COL21A1: variants seen among roughly 807,000 people sequenced by gnomAD.
COL21A1 encodes collagen type XXI alpha 1 chain, also known as collagen alpha-1(XXI) chain.
In COL21A1, 149 loss-of-function variants were observed where a neutral mutation model predicts 137.9. That is an observed-to-expected ratio of 1.08 (90% CI 0.95 to 1.24). The LOEUF is 1.24. Among genes scored for constraint, COL21A1 ranks in the 50% most tolerant of loss-of-function variants. The pLI is 0.00. For missense variants in COL21A1, 1,167 were observed against 1,158.4 expected (o/e 1.01, Z -0.11); for synonymous variants, 456 against 391.5 (o/e 1.16, Z -1.95).
chr6:56,379,744 A>G (rs1000132962), intron 1 of COL21A1, among the ~76,000 whole-genome samples: 9 of 152,216 alleles, frequency 5.9e-5, no homozygotes, highest in African/African-American at 2.2e-4. Flanking sequence ...CATTTTATAC[A>G]CACATAGGCA....
At chr6:56,183,560 G>A (rs1468625556) in intron 1 of COL21A1, among the ~76,000 whole-genome samples, 1 of 152,176 alleles carries the variant, frequency 6.6e-6, no homozygotes. Context: ...TAGATAAGTA[G>A]TCCATAGAAA....
At chr6:56,251,942 T>A (rs1484508228), upstream of COL21A1, among the ~76,000 whole-genome samples, 1 of 152,240 alleles carries the variant, frequency 6.6e-6, no homozygotes, top group Admixed American at 6.5e-5. Flanking sequence ...TCCACTGTGC[T>A]ACTTTTGATC....
chr6:56,366,837 T>C (rs1273645336), intron 1 of COL21A1, among the ~76,000 whole-genome samples: 1 of 152,242 alleles, frequency 6.6e-6, no homozygotes, highest in Non-Finnish European at 1.5e-5. Flanking sequence ...GTTTGTAAGA[T>C]GGTTTCATTC....
chr6:56,334,593 C>A (rs1029580149), intron 1 of COL21A1, among the ~76,000 whole-genome samples: 4 of 152,150 alleles, frequency 2.6e-5, no homozygotes, highest in Non-Finnish European at 5.9e-5. Context: ...AGGCTTGTCA[C>A]AAAGCATTAG....
chr6:56,239,545 A>C (rs1165849313), intron 1 of COL21A1, among the ~76,000 whole-genome samples: 1 of 152,182 alleles, frequency 6.6e-6, no homozygotes, highest in Non-Finnish European at 1.5e-5. Flanking sequence ...TTCCAACAAA[A>C]AGCCATAATT....
At chr6:56,150,538 AC>A (rs2152249227) in intron 10 of COL21A1, among the ~76,000 whole-genome samples, 2 of 151,196 alleles carry the variant, frequency 1.3e-5, no homozygotes, top group Non-Finnish European at 3.0e-5. Context: ...ACACACACAC[AC>A]ACACACACAC....
At chr6:56,321,524 A>G (rs1439568466) in intron 1 of COL21A1, among the ~76,000 whole-genome samples, 1 of 152,148 alleles carries the variant, frequency 6.6e-6, no homozygotes, top group African/African-American at 2.4e-5. Flanking sequence ...CTTGCTGTTT[A>G]TGTTTATTGC....
chr6:56,101,350 TA>T, intron 17 of COL21A1, 121 bp downstream of exon 17: 1 of 744,792 alleles, frequency 1.3e-6, no homozygotes, highest in Non-Finnish European at 2.3e-6. Context: ...CTACAACATC[TA>T]AAATCTGGAA....
chr6:56,305,792 T>G (rs2152338386), intron 1 of COL21A1, among the ~76,000 whole-genome samples: 1 of 151,352 alleles, frequency 6.6e-6, no homozygotes, highest in South Asian at 2.1e-4. Flanking sequence ...GTTAGCTGGT[T>G]ATTTTGCTTA....
At chr6:56,159,073 G>A (rs1426706555) in intron 9 of COL21A1, among the ~76,000 whole-genome samples, 1 of 152,106 alleles carries the variant, frequency 6.6e-6, no homozygotes, top group Non-Finnish European at 1.5e-5. Context: ...TCCATGTGCT[G>A]ATTGGACTTG....
At chr6:56,089,421 AT>A (rs1768574168) in intron 17 of COL21A1, among the ~76,000 whole-genome samples, 1 of 152,074 alleles carries the variant, frequency 6.6e-6, no homozygotes, top group South Asian at 2.1e-4. Flanking sequence ...ATCTATATAT[AT>A]TTTTTGCACT....
intron 17 of COL21A1, among the ~76,000 whole-genome samples, chr6:56,080,719 T>C (rs1767678509): frequency 6.6e-6 from 1 of 151,882 alleles, no homozygotes; most frequent in African/African-American, 2.4e-5. Context: ...TCTACCTTTC[T>C]ACACAATGGT....
At chr6:56,061,570 A>G (rs1765801131) in intron 25 of COL21A1, 79 bp downstream of exon 25, 4 of 816,708 alleles carry the variant, frequency 4.9e-6, no homozygotes, top group Non-Finnish European at 7.4e-6. Context: ...CTCAAAAGCT[A>G]GATTTATATA....
chr6:56,169,934 TA>T lies in COL21A1; in HGVS notation c.1026+714del, dbSNP rs1176868552. Reference sequence around the variant, plus strand: ...AATTTTTTAAATGTAATATAATTACTAAATGAAGAAATTGCATACTTTATAT... The same window carrying T: ...AATTTTTTAAATGTAATATAATTACTAATGAAGAAATTGCATACTTTATAT... On this transcript the variant is annotated intron_variant, in intron 5 of 29. Transcript: ENST00000244728. Among the ~76,000 whole-genome samples, 3 of 152,052 alleles carry T rather than the reference TA, an allele frequency of 2.0e-5. No individual in the cohort carries two copies. The East Asian group carries it at 5.8e-4, about 29-fold the overall frequency.
chr6:56,068,219 G>C (rs1338428969), intron 22 of COL21A1, among the ~76,000 whole-genome samples: 9 of 151,520 alleles, frequency 5.9e-5, no homozygotes, highest in Non-Finnish European at 1.2e-4. Context: ...TATGATCTAG[G>C]CACCATGTAG....
intron 1 of COL21A1, among the ~76,000 whole-genome samples, chr6:56,223,591 T>C (rs1235064797): frequency 2.6e-5 from 4 of 152,132 alleles, no homozygotes; most frequent in Non-Finnish European, 5.9e-5. Flanking sequence ...AAATGTTTCT[T>C]ATGATAATTA....
chr6:56,237,983 G>A (rs144099320), intron 1 of COL21A1, among the ~76,000 whole-genome samples: 2 of 152,124 alleles, frequency 1.3e-5, no homozygotes, highest in Admixed American at 1.3e-4. Context: ...AATAGACTAC[G>A]TGGTTAGTCT....
intron 12 of COL21A1, among the ~76,000 whole-genome samples, chr6:56,126,923 G>A (rs551406544): frequency 1.3e-5 from 2 of 152,056 alleles, no homozygotes; most frequent in Non-Finnish European, 2.9e-5. Context: ...TATATCATCT[G>A]TGACTGATAT....
rs1403143152 is a variant in COL21A1 at position 56,237,580 on chromosome 6, CAACTT to C, written c.-39+9802_-39+9806del. Reference sequence around the variant, plus strand: ...GTTACTAGAAAGGAGATTTGGAACTCAACTTAGCAACCATATCCAAAGTGGCATAG... The same window carrying C: ...GTTACTAGAAAGGAGATTTGGAACTCAGCAACCATATCCAAAGTGGCATAG... On this transcript the variant is annotated intron_variant, in intron 1 of 29. Coordinates refer to ENST00000244728, the MANE Select transcript of COL21A1 (RefSeq NM_030820.4). Among the ~76,000 whole-genome samples the C allele has an allele frequency of 4.6e-5, 7 of 152,200 alleles. No homozygotes were observed. In the East Asian group the frequency reaches 1.4e-3, roughly 29 times the overall value.
Sources: gnomAD v4.1 joint callset for allele counts (sites outside exome capture counted in the v4.1 genomes callset) on GRCh38, gnomAD v4.1.1 for gene constraint, MANE v1.5 for transcripts, NCBI Gene and HGNC (gene_info 2026-07-23, HGNC 2026-07-21) for gene names.